NHS: variants seen among roughly 807,000 people sequenced by gnomAD.
NHS encodes actin remodeling regulator NHS.
NHS carries 5 observed loss-of-function variants against 72.5 expected under a neutral mutation model. The observed-to-expected ratio is 0.07, with a 90% CI of 0.04 to 0.14. The LOEUF (loss-of-function observed/expected upper bound fraction) is 0.14, where lower values mean the gene tolerates loss of function less well. NHS is among the 10% of genes least tolerant of loss of function. NHS has a pLI of 1.00. For missense variants in NHS, 1,072 were observed against 1,355.7 expected, an observed-to-expected ratio of 0.79 and a Z score of 3.29; for synonymous variants, 464 against 547.7, an observed-to-expected ratio of 0.85 and a Z score of 2.13.
intron 1 of NHS, among the ~76,000 whole-genome samples, chrX:17,678,152 AT>A (rs2066096188): frequency 9.0e-6 from 1 of 111,586 alleles, no homozygotes; most frequent in Non-Finnish European, 1.9e-5. Context: ...TATCTCAACT[AT>A]TTAGAAACGT....
intron 1 of NHS, among the ~76,000 whole-genome samples, chrX:17,588,970 C>T (rs147311141): frequency 0.028 from 3,105 of 111,456 alleles, 106 homozygotes; most frequent in African/African-American, 0.095. Flanking sequence ...CTTGAGAAGA[C>T]ACAACATCTT....
intron 1 of NHS, among the ~76,000 whole-genome samples, chrX:17,667,074 A>T (rs143015814): frequency 0.011 from 1,227 of 112,761 alleles, 10 homozygotes; most frequent in African/African-American, 0.038. Flanking sequence ...GAGAAAGCTA[A>T]GTCCTAGAGA....
chrX:17,717,255 C>A (rs1398475081), intron 3 of NHS, among the ~76,000 whole-genome samples: 2 of 112,720 alleles, frequency 1.8e-5, no homozygotes, highest in East Asian at 5.6e-4. Context: ...GCATGGGCCA[C>A]TGTGCCTGGC....
intron 1 of NHS, among the ~76,000 whole-genome samples, chrX:17,391,311 C>T (rs1161457071): frequency 1.8e-5 from 2 of 111,790 alleles, no homozygotes; most frequent in African/African-American, 6.5e-5. Flanking sequence ...CCACCACTTA[C>T]CAGCTGTGTG....
chrX:17,514,739 C>T (rs775979347), intron 1 of NHS, among the ~76,000 whole-genome samples: 12 of 112,007 alleles, frequency 1.1e-4, no homozygotes, highest in Non-Finnish European at 2.3e-4. Flanking sequence ...AGGACAGCCC[C>T]CAGGACATGT....
intron 1 of NHS, among the ~76,000 whole-genome samples, chrX:17,565,983 C>CT (rs538804816): frequency 0.039 from 3,764 of 97,258 alleles, 72 homozygotes; most frequent in African/African-American, 0.066. Flanking sequence ...GACTTTCTGT[C>CT]TTTTTTTTTT....
intron 8 of NHS, among the ~76,000 whole-genome samples, chrX:17,729,652 C>T: frequency 8.9e-6 from 1 of 111,881 alleles, no homozygotes; most frequent in East Asian, 2.8e-4. Context: ...ATCCATGGTC[C>T]ATATTTGCAA....
intron 1 of NHS, among the ~76,000 whole-genome samples, chrX:17,647,848 G>C (rs1413394223): frequency 8.9e-6 from 1 of 112,045 alleles, no homozygotes; most frequent in Non-Finnish European, 1.9e-5. Context: ...CCCAGGATTG[G>C]AGGAGGAAAG....
intron 1 of NHS, among the ~76,000 whole-genome samples, chrX:17,662,143 G>T (rs971656574): frequency 7.1e-5 from 8 of 112,240 alleles, no homozygotes; most frequent in Non-Finnish European, 1.5e-4. Context: ...TGAAGGAGGG[G>T]TTATAGATTG....
intron 1 of NHS, among the ~76,000 whole-genome samples, chrX:17,479,996 G>T (rs747139603): frequency 2.1e-4 from 23 of 111,318 alleles, no homozygotes; most frequent in Non-Finnish European, 3.0e-4. Context: ...GTATTGCCTA[G>T]GTTTTCTTCT....
intron 1 of NHS, among the ~76,000 whole-genome samples, chrX:17,450,674 G>C (rs748806528): frequency 2.7e-5 from 3 of 112,188 alleles, no homozygotes; most frequent in Non-Finnish European, 5.6e-5. Flanking sequence ...TCAGGAGTTC[G>C]AGACGAGCCT....
chrX:17,483,553 C>A (rs1440906750), intron 1 of NHS, among the ~76,000 whole-genome samples: 1 of 111,971 alleles, frequency 8.9e-6, no homozygotes, highest in Non-Finnish European at 1.9e-5. Flanking sequence ...TTTAGGAACT[C>A]CTGTTTGTGT....
intron 1 of NHS, among the ~76,000 whole-genome samples, chrX:17,438,023 AAAT>A (rs1275326173): frequency 8.9e-6 from 1 of 112,470 alleles, no homozygotes; most frequent in East Asian, 2.8e-4. Flanking sequence ...TTTCAATTAA[AAAT>A]AAATTTTTTA....
At chrX:17,470,146 C>T (rs1278925228) in intron 1 of NHS, among the ~76,000 whole-genome samples, 1 of 110,251 alleles carries the variant, frequency 9.1e-6, no homozygotes, top group Non-Finnish European at 1.9e-5. Context: ...TGTTCTTATC[C>T]CTATTTACAG....
At chrX:17,719,291 T>C in intron 3 of NHS, 53 bp from the exon 4 acceptor site, 1 of 1,063,682 alleles carries the variant, frequency 9.4e-7, no homozygotes, top group South Asian at 2.0e-5. Flanking sequence ...CAGTATACAC[T>C]GTGTTGTGTG....
At chrX:17,600,815 G>A (rs1333614401) in intron 1 of NHS, among the ~76,000 whole-genome samples, 1 of 110,253 alleles carries the variant, frequency 9.1e-6, no homozygotes, top group African/African-American at 3.3e-5. Flanking sequence ...GAGAAGGAAG[G>A]AGAGAAGGAG....
chrX:17,404,803 G>GTCTCTCTCTCTCTC (rs368840034), intron 1 of NHS, among the ~76,000 whole-genome samples: 1 of 96,572 alleles, frequency 1.0e-5, no homozygotes, highest in African/African-American at 3.9e-5. Context: ...GTAACACTCT[G>GTCTCTCTCTCTCTC]TCTCTCTCTC....
chrX:17,402,125 A>G (rs961518537), intron 1 of NHS, among the ~76,000 whole-genome samples: 1 of 111,975 alleles, frequency 8.9e-6, no homozygotes, highest in African/African-American at 3.2e-5. Flanking sequence ...AATCAAAACC[A>G]CAACGAGATA....
intron 1 of NHS, among the ~76,000 whole-genome samples, chrX:17,501,600 G>A (rs746480601): frequency 1.2e-4 from 13 of 111,204 alleles, no homozygotes; most frequent in African/African-American, 3.6e-4. Context: ...AGTGGTGGGC[G>A]CCTATATTCT....
Sources: allele counts gnomAD v4.1 joint callset (sites outside exome capture counted in the v4.1 genomes callset), GRCh38; gene constraint gnomAD v4.1.1; transcripts MANE v1.5; gene names NCBI Gene and HGNC (gene_info 2026-07-23, HGNC 2026-07-21).